The following MINK1 variants were observed in gnomAD, a reference collection of about 807,000 sequenced individuals.
The protein encoded by MINK1 is misshapen like kinase 1.
Under a neutral mutation model 178.4 loss-of-function variants are expected in MINK1, and 46 were observed. That is an observed-to-expected ratio of 0.26 (90% CI 0.20 to 0.33). The LOEUF is 0.33. Among genes scored for constraint, MINK1 ranks in the 10% least tolerant of loss-of-function variants. The probability of loss-of-function intolerance (pLI) is 1.00; values close to 1 mark genes in which losing one functional copy is unlikely to be tolerated. For missense variants in MINK1, 1,366 were observed against 1,814.9 expected (o/e 0.75, Z 4.49); for synonymous variants, 797 against 709.7 (o/e 1.12, Z -1.96).
In MINK1 at chr17:4,890,749, C is replaced by G. The variant is rs1307383326; in HGVS notation, c.1566+14C>G. ...TGGGCCCGAGAGGTACTCACTGCCT[C>G]CTTTGCCTCCTGAGACTGCAGTCCC... On this transcript the variant is annotated intron_variant, in intron 14 of 31. Coordinates refer to ENST00000355280, the MANE Select transcript of MINK1 (RefSeq NM_153827.5). The G allele has an allele frequency of 2.6e-6, 4 of 1,541,172 alleles. No individual in the cohort carries two copies. In the African/African-American group the frequency reaches 5.5e-5, roughly 21 times the overall value.
At chr17:4,851,924 G>A (rs1044885752) in intron 1 of MINK1, among the ~76,000 whole-genome samples, 2 of 146,160 alleles carry the variant, frequency 1.4e-5, no homozygotes, top group African/African-American at 5.1e-5. Flanking sequence ...CACTTGAATC[G>A]GGGAGGCAGA....
chr17:4,834,821 T>G (rs750955716), intron 1 of MINK1: 5 of 519,934 alleles, frequency 9.6e-6, no homozygotes, highest in African/African-American at 7.7e-5. Flanking sequence ...TCTTCTGGCT[T>G]TTGAGTCAGC....
chr17:4,838,519 A>C (rs1909642253), intron 1 of MINK1, among the ~76,000 whole-genome samples: 1 of 152,114 alleles, frequency 6.6e-6, no homozygotes, highest in African/African-American at 2.4e-5. Flanking sequence ...TGTGCCTAAG[A>C]CAGGGTAGCA....
Position 4,886,921 on chromosome 17 carries a change from G to A in MINK1, c.950-189G>A. Among the ~76,000 whole-genome samples, 1 of 150,074 alleles carries A rather than the reference G, an allele frequency of 6.7e-6. No individual in the cohort carries two copies. On this transcript the variant is annotated intron_variant, in intron 10 of 31. Transcript: ENST00000355280. This position sits in a 1 kb window ranked among gnomAD's most constrained non-coding sequence, Gnocchi z 6.1. ...GGCTCTGCCACACCTCAGCTGCCCT[G>A]GGACCCAGTCCCGGTCCTGTCCAGG...
chr17:4,894,953 CCTGT>C lies in MINK1; in HGVS notation c.2918-119_2918-116del, dbSNP rs1410351370. The C allele has an allele frequency of 1.6e-5, 18 of 1,102,030 alleles. No individual in the cohort carries two copies. The highest frequency in any genetic ancestry group is 2.3e-5 in the Admixed American group (1 of 42,896). 68.3% of individuals were successfully genotyped at this position (1,102,030 alleles called of 1,614,324 possible). On this transcript the variant is annotated intron_variant, in intron 24 of 31. Transcript: ENST00000355280. This position sits in a 1 kb window ranked among gnomAD's most constrained non-coding sequence, Gnocchi z 4.1. ...CCCTCTCCCATGCACCTCCTCTCCT[CCTGT>C]CTTTCTCCTCCTTTCTGCGTATTAT...
intron 1 of MINK1, among the ~76,000 whole-genome samples, chr17:4,846,284 A>G (rs1911017908): frequency 1.3e-5 from 2 of 152,220 alleles, no homozygotes; most frequent in African/African-American, 4.8e-5. Flanking sequence ...GGGAAGACTC[A>G]AGGACTCATG....
chr17:4,846,950 CAG>C (rs1911131788), intron 1 of MINK1, among the ~76,000 whole-genome samples: 1 of 152,208 alleles, frequency 6.6e-6, no homozygotes, highest in Non-Finnish European at 1.5e-5. Context: ...CCACCAGAAA[CAG>C]AGATCTCGTG....
chr17:4,891,133 C>T lies in MINK1; in HGVS notation c.1740+9C>T, dbSNP rs1356302782. On this transcript the variant is annotated intron_variant, in intron 15 of 31. Coordinates refer to ENST00000355280, the MANE Select transcript of MINK1 (RefSeq NM_153827.5). ...AGGAGGGACCGCACAAGGTGAGTCT[C>T]TCCCCACCCCTGTCTTAATGAAGAC... The T allele has an allele frequency of 1.2e-5, 18 of 1,502,882 alleles. No individual in the cohort carries two copies. The highest frequency in any genetic ancestry group is 1.6e-5 in the Non-Finnish European group (18 of 1,126,720). The allele number at this position is 1,502,882 out of a possible 1,614,324, so 93.1% of individuals were successfully genotyped here. A position where few individuals can be genotyped will look rare whatever the true frequency, so the allele number is the denominator to read the frequency against.
intron 1 of MINK1, among the ~76,000 whole-genome samples, chr17:4,863,572 A>G (rs530316576): frequency 2.6e-5 from 4 of 152,222 alleles, no homozygotes; most frequent in Non-Finnish European, 5.9e-5. Flanking sequence ...GGCAAAGCAC[A>G]CTGCAGGCCT....
chr17:4,834,593 A>G (rs1181674834), intron 1 of MINK1, among the ~76,000 whole-genome samples: 1 of 151,974 alleles, frequency 6.6e-6, no homozygotes, highest in African/African-American at 2.4e-5. Context: ...GCACTTACAC[A>G]CTCTGGTGGA....
chr17:4,892,407 G>A lies in MINK1; in HGVS notation c.2093G>A (p.Arg698His), dbSNP rs746560008. The A allele has an allele frequency of 1.4e-5, 22 of 1,533,450 alleles. No homozygotes were observed. The highest frequency in any genetic ancestry group is 6.0e-5 in the African/African-American group (4 of 66,186). 95.0% of individuals were successfully genotyped at this position (1,533,450 alleles called of 1,614,324 possible). Residue 698 changes from arginine to histidine, a missense_variant, in exon 18 of 32, where the codon CGC (arginine) becomes CAC (histidine). By Grantham distance (29) the Arg-to-His change is conservative. Transcript: ENST00000355280. Reference protein sequence around the residue: ...RPAQAVRARPRSNSAWQIYLQ... With the variant: ...RPAQAVRARPHSNSAWQIYLQ... ...CCCCTGTGCTCCCTTCACAGACCTCGCAGCAACTCCGCCTGGCAAATCTAT... is the reference window on the plus strand; with the variant it reads ...CCCCTGTGCTCCCTTCACAGACCTCACAGCAACTCCGCCTGGCAAATCTAT...
chr17:4,890,835 G>T, intron 14 of MINK1, 100 bp downstream of exon 14: 4 of 1,516,362 alleles, frequency 2.6e-6, no homozygotes, highest in Non-Finnish European at 2.7e-6. Context: ...CACCAAGTAG[G>T]GGAAAGGAGC....
intron 1 of MINK1, among the ~76,000 whole-genome samples, chr17:4,844,226 C>G (rs1910667064): frequency 6.6e-6 from 1 of 152,096 alleles, no homozygotes; most frequent in Non-Finnish European, 1.5e-5. Context: ...GTCTCGAACT[C>G]CTGACCTCAG....
intron 2 of MINK1, among the ~76,000 whole-genome samples, 172 bp downstream of exon 2, chr17:4,878,554 A>G (rs538438735): frequency 4.9e-4 from 74 of 152,252 alleles, no homozygotes; most frequent in African/African-American, 1.7e-3. Flanking sequence ...AGAAGGAGGT[A>G]CTGTTGATGC....
intron 1 of MINK1, among the ~76,000 whole-genome samples, chr17:4,842,421 T>C (rs372091599): frequency 3.3e-5 from 5 of 152,280 alleles, no homozygotes; most frequent in East Asian, 3.9e-4. Flanking sequence ...TTCCATGAAG[T>C]AGGAAGTAGT....
chr17:4,862,790 G>T (rs903340755), intron 1 of MINK1, among the ~76,000 whole-genome samples: 5 of 152,080 alleles, frequency 3.3e-5, no homozygotes, highest in Non-Finnish European at 7.4e-5. Flanking sequence ...CTAGCACTTT[G>T]TGTGTCCGAG....
intron 1 of MINK1, among the ~76,000 whole-genome samples, chr17:4,847,807 C>G (rs1425208842): frequency 6.6e-6 from 1 of 151,910 alleles, no homozygotes; most frequent in African/African-American, 2.4e-5. Context: ...GTAGAGAGAT[C>G]TCAGGTTGGG....
intron 1 of MINK1, among the ~76,000 whole-genome samples, chr17:4,856,099 CCTT>C (rs368228442): frequency 6.6e-6 from 1 of 152,136 alleles, no homozygotes; most frequent in African/African-American, 2.4e-5. Context: ...GACCCCTTCT[CCTT>C]CTCTCGCCAT....
At position 4,887,375 on chromosome 17, in the gene MINK1, G is replaced by GA. The variant is rs764425606; in HGVS notation, c.1019+198dup. On this transcript the variant is annotated intron_variant, in intron 11 of 31. Transcript: ENST00000355280. The surrounding 1 kb of genome is among the most constrained non-coding windows in gnomAD (Gnocchi z 7.6). ...AGCTGGGGAGAGAGCAATTTGTGGT[G>GA]AATGTGGGGCGCAGCAGTAATAGGA... 6.6e-6 allele frequency among the ~76,000 whole-genome samples: 1 copy of GA among 152,148 alleles called. No homozygotes were observed. Among genetic ancestry groups the GA allele is most frequent in the Non-Finnish European group, 1.5e-5 (1 of 68,024 alleles).
Sources: gnomAD v4.1 joint callset for allele counts (sites outside exome capture counted in the v4.1 genomes callset) on GRCh38, gnomAD v4.1.1 for gene constraint, Gnocchi (gnomAD v3.1) non-coding constraint, MANE v1.5 for transcripts, NCBI Gene and HGNC (gene_info 2026-07-23, HGNC 2026-07-21) for gene names.